The following LRRC49 variants were observed in gnomAD, a reference collection of about 807,000 sequenced individuals.
LRRC49 encodes the protein leucine-rich repeat-containing protein 49.
A neutral mutation model predicts 83.3 loss-of-function variants in LRRC49; 50 were observed. That is an observed-to-expected ratio of 0.60 (90% CI 0.48 to 0.76). The LOEUF is 0.76. Ranked by LOEUF, LRRC49 falls within the 30% of genes least tolerant of loss-of-function variation. The probability of loss-of-function intolerance (pLI) is 0.00; values close to 1 mark genes in which losing one functional copy is unlikely to be tolerated. For missense variants in LRRC49, 704 were observed against 809.1 expected (o/e 0.87, Z 1.58); for synonymous variants, 286 against 283.3 (o/e 1.01, Z -0.10).
At chr15:70,941,605 T>C (rs7181824) in intron 8 of LRRC49, among the ~76,000 whole-genome samples, 4,412 of 152,158 alleles carry the variant, frequency 0.029, 218 homozygotes, top group African/African-American at 0.1. Context: ...GCATTACCTT[T>C]GAAGCAGCAA....
chr15:70,853,976 G>GC, intron 1 of LRRC49: 2 of 1,460,564 alleles, frequency 1.4e-6, no homozygotes, highest in Admixed American at 4.8e-5. Flanking sequence ...CCGAGTCTCC[G>GC]CCCCCTCCTC....
At chr15:70,903,848 C>T (rs1196263645) in intron 4 of LRRC49, among the ~76,000 whole-genome samples, 1 of 152,054 alleles carries the variant, frequency 6.6e-6, no homozygotes, top group Non-Finnish European at 1.5e-5. Context: ...ATAATAGAGG[C>T]TTACTGTTTT....
At chr15:70,970,026 G>A (rs753469954) in intron 9 of LRRC49, among the ~76,000 whole-genome samples, 2 of 152,176 alleles carry the variant, frequency 1.3e-5, no homozygotes, top group Non-Finnish European at 2.9e-5. Flanking sequence ...GAATAGGAGT[G>A]GTGAGAGAGG....
At chr15:70,912,081 T>C (rs1422763936) in intron 6 of LRRC49, among the ~76,000 whole-genome samples, 2 of 152,188 alleles carry the variant, frequency 1.3e-5, no homozygotes, top group Non-Finnish European at 2.9e-5. Context: ...AGGTATACTA[T>C]ATGTTGTCAT....
At chr15:70,905,002 A>G (rs1405986002) in intron 5 of LRRC49, among the ~76,000 whole-genome samples, 1 of 152,194 alleles carries the variant, frequency 6.6e-6, no homozygotes, top group Non-Finnish European at 1.5e-5. Flanking sequence ...TGTATCTTAT[A>G]GGGAAGTAAA....
rs142691380 is a variant in LRRC49 at position 71,052,225 on chromosome 15, C to T, written c.*2613C>T. ...AGGGAAGGGGAAGAGATGCAAATCC[C>T]ATAGTCTGAGACTCTCTAGGCTAGT... is the stretch of plus-strand genomic sequence containing the variant. On this transcript the variant is annotated 3_prime_UTR_variant, in exon 16 of 16. Coordinates refer to ENST00000260382, the MANE Select transcript of LRRC49 (RefSeq NM_017691.5). The T allele has an allele frequency of 2.1e-4, 32 of 152,278 alleles. No individual in the cohort carries two copies. The highest frequency in any genetic ancestry group is 7.7e-4 in the African/African-American group (32 of 41,516). The allele number at this position is 152,278 out of a possible 1,614,324, so 9.4% of individuals were successfully genotyped here.
At chr15:70,881,708 G>A (rs958141286) in intron 2 of LRRC49, 19 of 152,104 alleles carry the variant, frequency 1.2e-4, no homozygotes, top group African/African-American at 3.6e-4. Flanking sequence ...CCTGCAATGG[G>A]AATACGTTAG....
chr15:70,878,699 T>C (rs1199156171), intron 2 of LRRC49, among the ~76,000 whole-genome samples: 5 of 152,226 alleles, frequency 3.3e-5, no homozygotes, highest in Non-Finnish European at 7.3e-5. Flanking sequence ...TTAAATCTAG[T>C]AAGATGAAGG....
At chr15:71,045,541 G>A (rs1025389959) in intron 15 of LRRC49, among the ~76,000 whole-genome samples, 3 of 151,994 alleles carry the variant, frequency 2.0e-5, no homozygotes, top group Non-Finnish European at 4.4e-5. Flanking sequence ...TCCATTTAGA[G>A]GTAAAACTTA....
intron 8 of LRRC49, among the ~76,000 whole-genome samples, chr15:70,948,978 A>G (rs2036113983): frequency 6.6e-6 from 1 of 152,220 alleles, no homozygotes; most frequent in Non-Finnish European, 1.5e-5. Context: ...GCAGCCATAA[A>G]TAATATGTAA....
chr15:70,911,229 G>C (rs1475517398), intron 5 of LRRC49, among the ~76,000 whole-genome samples: 1 of 152,140 alleles, frequency 6.6e-6, no homozygotes, highest in Non-Finnish European at 1.5e-5. Context: ...CAGAAGTAAG[G>C]AGTTTAGATT....
chr15:70,963,677 C>T, intron 8 of LRRC49, 108 bp from the exon 9 acceptor site: 3 of 1,277,846 alleles, frequency 2.3e-6, no homozygotes, highest in Non-Finnish European at 2.2e-6. Context: ...GTACTATCTT[C>T]TCAATTTTTC....
upstream of LRRC49, chr15:70,891,847 T>A (rs373218670): frequency 5.0e-6 from 8 of 1,587,014 alleles, no homozygotes; most frequent in Admixed American, 1.7e-5. Context: ...TCTTTACCTG[T>A]GAAGCTGCAG....
At position 70,984,258 on chromosome 15, in the gene LRRC49, G is replaced by A. The variant is rs771073512; in HGVS notation, c.1169+1G>A. On this transcript the variant is annotated splice_donor_variant, in intron 11 of 15. Transcript: ENST00000260382. LOFTEE classifies it high-confidence loss of function. ...TCTCTGCATTCCCAGAGGAAACAGGGTATGCAATGGTATTTTTTCAAGATA... is the reference window on the plus strand; with the variant it reads ...TCTCTGCATTCCCAGAGGAAACAGGATATGCAATGGTATTTTTTCAAGATA... The A allele has an allele frequency of 1.9e-6, 3 of 1,591,954 alleles. No homozygotes were observed. Among genetic ancestry groups the A allele is most frequent in the East Asian group, 2.3e-5 (1 of 44,376 alleles).
intron 14 of LRRC49, among the ~76,000 whole-genome samples, chr15:71,022,229 T>C (rs2039016389): frequency 6.6e-6 from 1 of 151,954 alleles, no homozygotes; most frequent in South Asian, 2.1e-4. Flanking sequence ...AAAAATTAGC[T>C]GGGTGTGGTG....
intron 7 of LRRC49, among the ~76,000 whole-genome samples, chr15:70,928,847 G>A (rs567186977): frequency 6.6e-6 from 1 of 152,296 alleles, no homozygotes; most frequent in African/African-American, 2.4e-5. Flanking sequence ...TTACAGGCAT[G>A]AGCCCCCGTG....
At chr15:71,023,863 A>G (rs968636734) in intron 14 of LRRC49, among the ~76,000 whole-genome samples, 11 of 152,182 alleles carry the variant, frequency 7.2e-5, no homozygotes, top group African/African-American at 2.7e-4. Flanking sequence ...CCTGCTGCCT[A>G]AGACAACTGA....
At chr15:71,045,084 C>T (rs564961926) in intron 15 of LRRC49, among the ~76,000 whole-genome samples, 5 of 151,594 alleles carry the variant, frequency 3.3e-5, no homozygotes, top group South Asian at 2.1e-4. Context: ...TTAGTAGAGA[C>T]GGGGCTTCAC....
chr15:70,977,096 T>A (rs2037233915), intron 9 of LRRC49, among the ~76,000 whole-genome samples: 1 of 152,164 alleles, frequency 6.6e-6, no homozygotes, highest in Non-Finnish European at 1.5e-5. Context: ...AATTGGCTCT[T>A]TGAAAAAACA....
Sources: gnomAD v4.1 joint callset for allele counts (sites outside exome capture counted in the v4.1 genomes callset) on GRCh38, gnomAD v4.1.1 for gene constraint, MANE v1.5 for transcripts, NCBI Gene and HGNC (gene_info 2026-07-23, HGNC 2026-07-21) for gene names.